Variants in FAM228B observed in about 807,000 individuals in gnomAD.
The protein encoded by FAM228B is family with sequence similarity 228 member B.
A neutral mutation model predicts 42.6 loss-of-function variants in FAM228B; 38 were observed. That is an observed-to-expected ratio of 0.89 (90% confidence interval 0.69 to 1.17). The LOEUF (loss-of-function observed/expected upper bound fraction) is 1.17. Ranked by LOEUF, FAM228B falls within the 50% of genes most tolerant of loss-of-function variation. The pLI is 0.00. For synonymous variants in FAM228B, 109 were observed against 122.3 expected, an observed-to-expected ratio of 0.89 and a Z score of 0.72; for missense variants, 344 against 367.3, an observed-to-expected ratio of 0.94 and a Z score of 0.52.
intron 7 of FAM228B, among the ~76,000 whole-genome samples, chr2:24,160,068 A>T (rs1667252715): frequency 6.6e-6 from 1 of 150,376 alleles, no homozygotes; most frequent in South Asian, 2.1e-4. Flanking sequence ...GGCTAACTGC[A>T]GCCTTGATCT....
At chr2:24,124,100 A>C (rs1666235077) in intron 1 of FAM228B, 2 of 300,552 alleles carry the variant, frequency 6.7e-6, no homozygotes, top group Non-Finnish European at 1.2e-5. Context: ...GGACGTGGGA[A>C]TCCATTCCAA....
chr2:24,145,834 G>A (rs989483390), intron 5 of FAM228B, among the ~76,000 whole-genome samples: 1 of 151,338 alleles, frequency 6.6e-6, no homozygotes, highest in African/African-American at 2.4e-5. Flanking sequence ...GACTATAGGC[G>A]CCCGCCACCA....
At chr2:24,159,220 T>G (rs890106356) in intron 7 of FAM228B, among the ~76,000 whole-genome samples, 1 of 152,248 alleles carries the variant, frequency 6.6e-6, no homozygotes, top group Non-Finnish European at 1.5e-5. Context: ...ATGCCAGGGA[T>G]TAGGATTTGA....
chr2:24,106,878 C>G (rs2150998106), intron 3 of FAM228B, among the ~76,000 whole-genome samples: 1 of 67,630 alleles, frequency 1.5e-5, no homozygotes, highest in South Asian at 7.0e-4. Context: ...ACTAACAAGT[C>G]TGCATAATAA....
intron 2 of FAM228B, among the ~76,000 whole-genome samples, chr2:24,082,503 C>T (rs1488810388): frequency 3.3e-5 from 5 of 152,206 alleles, no homozygotes; most frequent in African/African-American, 1.2e-4. Context: ...AAGGCAAGGA[C>T]CAAGTCTTCT....
At chr2:24,121,295 C>T (rs1048780716), upstream of FAM228B, 33 of 1,613,944 alleles carry the variant, frequency 2.0e-5, no homozygotes, top group African/African-American at 1.5e-4. Context: ...CATCACTGGG[C>T]GTTACCTGGA....
chr2:24,138,889 T>A (rs1470016855), intron 4 of FAM228B, among the ~76,000 whole-genome samples: 1 of 149,398 alleles, frequency 6.7e-6, no homozygotes, highest in Non-Finnish European at 1.5e-5. Flanking sequence ...CAGATTGTAG[T>A]GAGCCGAGAT....
chr2:24,139,125 C>A (rs1381807380), intron 4 of FAM228B, among the ~76,000 whole-genome samples: 4 of 152,128 alleles, frequency 2.6e-5, no homozygotes, highest in Admixed American at 1.3e-4. Context: ...ATTCCCAAAT[C>A]TTTTAGTGTT....
rs144936276 is a variant in FAM228B at position 24,077,699 on chromosome 2, G to C, written c.-290+730G>C. 1 of 1,614,080 alleles carries C rather than the reference G, an allele frequency of 6.2e-7. No individual in the cohort carries two copies. The highest frequency in any genetic ancestry group is 1.7e-5 in the Admixed American group (1 of 60,016). On this transcript the variant is annotated intron_variant, in intron 1 of 10. Transcript: ENST00000613899. The surrounding 1 kb of genome is among the most constrained non-coding windows in gnomAD (Gnocchi z 5.5). ...CCAGAACCGGCAGCAGACGTTGGGGGCCCTCCGTGGAGAAGTGAGGCAGAA... is the reference window on the plus strand; with the variant it reads ...CCAGAACCGGCAGCAGACGTTGGGGCCCCTCCGTGGAGAAGTGAGGCAGAA...
In FAM228B at chr2:24,077,699, G is replaced by A. The variant is rs144936276; in HGVS notation, c.-290+730G>A. On this transcript the variant is annotated intron_variant, in intron 1 of 10. Coordinates refer to the FAM228B transcript ENST00000613899. The surrounding 1 kb of genome is among the most constrained non-coding windows in gnomAD (Gnocchi z 5.5). ...CCAGAACCGGCAGCAGACGTTGGGG[G>A]CCCTCCGTGGAGAAGTGAGGCAGAA... The A allele has an allele frequency of 2.4e-5, 39 of 1,614,080 alleles. No homozygotes were observed. The African/African-American group carries it at 4.9e-4, about 20-fold the overall frequency.
Position 24,138,018 on chromosome 2 carries a change from T to C in FAM228B, c.278T>C (p.Ile93Thr). Residue 93 changes from isoleucine to threonine, a missense_variant, in exon 4 of 11, where the codon ATA (isoleucine) becomes ACA (threonine). By Grantham distance (89) the Ile-to-Thr change is moderately conservative (BLOSUM62 -1). Coordinates refer to ENST00000615575, the MANE Select transcript of FAM228B (RefSeq NM_001145710.2). ...GCAGATCCTCTTCAGAAGAAAATTA[T>C]AGAAAAAGTTTGCTCACATAAGAAG... ...CVADPLQKKI[I>T]EKVCSHKKIK... is the part of the protein sequence containing the mutation. The C allele has an allele frequency of 2.6e-6, 4 of 1,547,410 alleles. No individual in the cohort carries two copies. Among genetic ancestry groups the C allele is most frequent in the Non-Finnish European group, 1.7e-6 (2 of 1,145,928 alleles).
intron 7 of FAM228B, among the ~76,000 whole-genome samples, chr2:24,152,565 C>T (rs1004661684): frequency 6.6e-6 from 1 of 152,174 alleles, no homozygotes; most frequent in African/African-American, 2.4e-5. Flanking sequence ...TGATAAGATC[C>T]AGAAGAGTTA....
In FAM228B at chr2:24,110,773, C is replaced by A. The variant is rs189231775; in HGVS notation, c.-121+15544C>A. On this transcript the variant is annotated intron_variant, in intron 3 of 10. Coordinates refer to the FAM228B transcript ENST00000613899. ...ATCATGAGTCATGGGACTCCCCCCC[C>A]AAATCTGTAGCCAGGTCAGACAGAA... Among the ~76,000 whole-genome samples the A allele has an allele frequency of 7.7e-3, 1,177 of 152,238 alleles. 6 individuals are homozygous for A. The highest frequency in any genetic ancestry group is 0.027 in the African/African-American group (1,122 of 41,530).
chr2:24,114,647 G>A (rs1211727047), intron 3 of FAM228B, among the ~76,000 whole-genome samples: 3 of 152,064 alleles, frequency 2.0e-5, no homozygotes, highest in Non-Finnish European at 4.4e-5. Flanking sequence ...AGTCGAAGGT[G>A]GTCTCTCCCC....
intron 5 of FAM228B, among the ~76,000 whole-genome samples, chr2:24,140,855 A>T (rs1381240368): frequency 6.6e-6 from 1 of 151,646 alleles, no homozygotes; most frequent in African/African-American, 2.4e-5. Flanking sequence ...CTAGCTACTC[A>T]GGAGGCTGAG....
intron 3 of FAM228B, among the ~76,000 whole-genome samples, chr2:24,103,973 G>A (rs536233303): frequency 2.0e-5 from 3 of 152,238 alleles, no homozygotes; most frequent in Non-Finnish European, 2.9e-5. Context: ...GGCCGAGATA[G>A]TGGACTAGAG....
At chr2:24,089,805 A>G (rs547287097) in intron 2 of FAM228B, among the ~76,000 whole-genome samples, 6 of 152,248 alleles carry the variant, frequency 3.9e-5, no homozygotes, top group African/African-American at 1.4e-4. Flanking sequence ...ATTTCTTTAA[A>G]AAATTAGCAA....
At chr2:24,111,611 A>T (rs1228207124) in intron 3 of FAM228B, among the ~76,000 whole-genome samples, 1 of 152,100 alleles carries the variant, frequency 6.6e-6, no homozygotes, top group African/African-American at 2.4e-5. Context: ...TTGTCGTGCA[A>T]ACCTCACAAG....
At chr2:24,152,816 G>T (rs916227092) in intron 7 of FAM228B, among the ~76,000 whole-genome samples, 14 of 152,202 alleles carry the variant, frequency 9.2e-5, no homozygotes, top group African/African-American at 3.4e-4. Flanking sequence ...CAGAGATGCT[G>T]TCTGGGAGCC....
Sources: gnomAD v4.1 joint callset for allele counts (sites outside exome capture counted in the v4.1 genomes callset) on GRCh38, gnomAD v4.1.1 for gene constraint, Gnocchi (gnomAD v3.1) non-coding constraint, MANE v1.5 for transcripts, NCBI Gene and HGNC (gene_info 2026-07-23, HGNC 2026-07-21) for gene names.